Variants in NF1 observed in about 807,000 individuals in gnomAD.
The protein encoded by NF1 is neurofibromin.
Under a neutral mutation model 325.7 loss-of-function variants are expected in NF1, and 122 were observed. The observed-to-expected ratio is 0.37, with a 90% CI of 0.32 to 0.44. The LOEUF (loss-of-function observed/expected upper bound fraction) is 0.44. Among genes scored for constraint, NF1 ranks in the 20% least tolerant of loss-of-function variants. NF1 has a pLI of 1.00. For missense variants in NF1, 2,140 were observed against 3,415.4 expected, an observed-to-expected ratio of 0.63 and a Z score of 9.31; for synonymous variants, 1,091 against 1,186.0, an observed-to-expected ratio of 0.92 and a Z score of 1.65.
chr17:31,313,721 TATGTGTGTGTG>T (rs2068947502), intron 36 of NF1, among the ~76,000 whole-genome samples: 1 of 81,558 alleles, frequency 1.2e-5, no homozygotes, highest in Non-Finnish European at 2.5e-5. Context: ...AAAAAAAAAA[TATGTGTGTGTG>T]TGTGTGTGTG....
intron 1 of NF1, among the ~76,000 whole-genome samples, chr17:31,115,601 A>T (rs1212135606): frequency 6.6e-6 from 1 of 152,244 alleles, no homozygotes; most frequent in Non-Finnish European, 1.5e-5. Flanking sequence ...GTGAGTCTTC[A>T]GTAGTCCATT....
chr17:31,218,560 TTTTTTTC>T (rs563566750), intron 13 of NF1, among the ~76,000 whole-genome samples: 5 of 150,486 alleles, frequency 3.3e-5, no homozygotes, highest in Non-Finnish European at 7.4e-5. Flanking sequence ...CTTTCTTTCT[TTTTTTTC>T]TTTTTTCTTT....
chr17:31,375,029 T>TA lies in NF1; in HGVS notation c.*874_*875insA, dbSNP rs886052805. On this transcript the variant is annotated 3_prime_UTR_variant, in exon 58 of 58. Transcript: ENST00000358273. ...TATAGTAATTATATATATATATATA[T>TA]TTTTTCCCCTCCCCCTCTTCTTTCC... The TA allele has an allele frequency of 4.0e-5, 8 of 199,092 alleles. No individual in the cohort carries two copies. Among genetic ancestry groups the TA allele is most frequent in the Non-Finnish European group, 6.1e-5 (6 of 98,198 alleles). 12.3% of individuals were successfully genotyped at this position (199,092 alleles called of 1,614,324 possible). A position where few individuals can be genotyped will look rare whatever the true frequency, so the allele number is the denominator to read the frequency against.
chr17:31,121,813 G>A (rs1358749520), intron 1 of NF1, among the ~76,000 whole-genome samples: 1 of 152,116 alleles, frequency 6.6e-6, no homozygotes, highest in Non-Finnish European at 1.5e-5. Context: ...GTGTACTGCT[G>A]GATTCGGTTT....
At chr17:31,342,042 G>A (rs2151563979) in intron 47 of NF1, among the ~76,000 whole-genome samples, 1 of 152,318 alleles carries the variant, frequency 6.6e-6, no homozygotes, top group African/African-American at 2.4e-5. Context: ...TCTACCAGAT[G>A]TAGTGTGAAC....
intron 29 of NF1, among the ~76,000 whole-genome samples, chr17:31,245,461 CTGAG>C (rs1173367902): frequency 6.6e-6 from 1 of 152,180 alleles, no homozygotes; most frequent in East Asian, 1.9e-4. Context: ...AGGATAAGGG[CTGAG>C]TAAGATTGCT....
At chr17:31,160,058 G>A (rs1384600089) in intron 3 of NF1, among the ~76,000 whole-genome samples, 3 of 152,068 alleles carry the variant, frequency 2.0e-5, no homozygotes, top group Admixed American at 2.0e-4. Flanking sequence ...AGGGAAGGCT[G>A]TAAGCGAAAA....
At chr17:31,191,865 GGTTTGAAAACA>G (rs1314548256) in intron 8 of NF1, among the ~76,000 whole-genome samples, 1 of 152,130 alleles carries the variant, frequency 6.6e-6, no homozygotes, top group Non-Finnish European at 1.5e-5. Context: ...AGGTTAGTGA[GGTTTGAAAACA>G]GTTCATATGT....
chr17:31,118,272 C>T (rs1407886502), intron 1 of NF1, among the ~76,000 whole-genome samples: 2 of 150,946 alleles, frequency 1.3e-5, no homozygotes, highest in Non-Finnish European at 2.9e-5. Flanking sequence ...TTAGGGAGCT[C>T]AACTGCAGTC....
intron 8 of NF1, among the ~76,000 whole-genome samples, chr17:31,191,051 C>T (rs989431503): frequency 3.9e-5 from 6 of 151,998 alleles, no homozygotes; most frequent in Admixed American, 1.3e-4. Context: ...ATTTTTCAAT[C>T]GTACCTCAAT....
At chr17:31,208,956 T>C (rs1205718618) in intron 12 of NF1, among the ~76,000 whole-genome samples, 1 of 151,996 alleles carries the variant, frequency 6.6e-6, no homozygotes, top group Non-Finnish European at 1.5e-5. Flanking sequence ...CAGGCAAATA[T>C]ATATAATAAA....
At chr17:31,250,349 G>C (rs1029858682) in intron 30 of NF1, 3 of 216,458 alleles carry the variant, frequency 1.4e-5, no homozygotes, top group African/African-American at 6.8e-5. Context: ...ATTTTATTTA[G>C]TAATTGTTCT....
chr17:31,376,472 G>A lies in NF1; in HGVS notation c.*2317G>A, dbSNP rs2070733389. 4.3e-6 allele frequency: 1 copy of A among 232,588 alleles called. No homozygotes were observed. 14.4% of individuals were successfully genotyped at this position (232,588 alleles called of 1,614,324 possible). ...TTTGACTAGTAAGTACATCCTAGGA[G>A]TTTGAAAACTTAACTAAGGTTTAAA... is the stretch of plus-strand genomic sequence containing the variant. On this transcript the variant is annotated 3_prime_UTR_variant, in exon 58 of 58. Coordinates refer to ENST00000358273, the MANE Select transcript of NF1 (RefSeq NM_001042492.3).
At chr17:31,100,675 T>C (rs1912242430) in intron 1 of NF1, among the ~76,000 whole-genome samples, 1 of 152,166 alleles carries the variant, frequency 6.6e-6, no homozygotes, top group African/African-American at 2.4e-5. Flanking sequence ...GTTCAAGCGA[T>C]TCTCCTGCCT....
chr17:31,223,227 A>G (rs2066957628), intron 15 of NF1, among the ~76,000 whole-genome samples: 1 of 152,212 alleles, frequency 6.6e-6, no homozygotes, highest in Admixed American at 6.5e-5. Flanking sequence ...TAGGGGGCTT[A>G]TAGATAAATA....
At chr17:31,242,305 CTTT>C (rs200376987) in intron 29 of NF1, among the ~76,000 whole-genome samples, 1 of 68,860 alleles carries the variant, frequency 1.5e-5, no homozygotes, top group Non-Finnish European at 2.7e-5. Flanking sequence ...CATAAGTTCT[CTTT>C]TTTTTTTTTT....
chr17:31,140,097 A>G (rs1916108390), intron 1 of NF1, among the ~76,000 whole-genome samples: 1 of 152,234 alleles, frequency 6.6e-6, no homozygotes, highest in Non-Finnish European at 1.5e-5. Flanking sequence ...TAAAACGATT[A>G]CAAGAAAGAT....
At chr17:31,228,523 A>G (rs2067055084) in intron 20 of NF1, among the ~76,000 whole-genome samples, 1 of 152,160 alleles carries the variant, frequency 6.6e-6, no homozygotes, top group Non-Finnish European at 1.5e-5. Context: ...AGAGTTGTGC[A>G]ACCATCACCA....
At chr17:31,366,383 G>C (rs2151594085) in intron 57 of NF1, among the ~76,000 whole-genome samples, 1 of 151,968 alleles carries the variant, frequency 6.6e-6, no homozygotes, top group Middle Eastern at 3.4e-3. Flanking sequence ...TTTATTTCTG[G>C]CCTTGGTCCA....
Sources: gnomAD v4.1 joint callset for allele counts (sites outside exome capture counted in the v4.1 genomes callset) on GRCh38, gnomAD v4.1.1 for gene constraint, MANE v1.5 for transcripts, NCBI Gene and HGNC (gene_info 2026-07-23, HGNC 2026-07-21) for gene names.